Variants in TMEM74 observed in about 807,000 individuals in gnomAD.
TMEM74 encodes the protein transmembrane protein 74.
In TMEM74, 13 loss-of-function variants were observed where a neutral mutation model predicts 18.1. The observed-to-expected ratio is 0.72, with a 90% CI of 0.47 to 1.14. The LOEUF (loss-of-function observed/expected upper bound fraction) is 1.14. TMEM74 is among the 50% of genes most tolerant of loss of function. The probability of loss-of-function intolerance (pLI) is 0.00; values close to 1 mark genes in which losing one functional copy is unlikely to be tolerated. For synonymous variants in TMEM74, 159 were observed against 146.6 expected, an observed-to-expected ratio of 1.08 and a Z score of -0.61; for missense variants, 372 against 375.9, an observed-to-expected ratio of 0.99 and a Z score of 0.09.
At chr8:108,775,206 A>C (rs1435056145), downstream of TMEM74, among the ~76,000 whole-genome samples, 1 of 152,206 alleles carries the variant, frequency 6.6e-6, no homozygotes, top group South Asian at 2.1e-4. Flanking sequence ...GGGTGGGGTA[A>C]ATTCCTTGGA....
chr8:108,784,779 A>C lies in TMEM74; in HGVS notation c.320T>G (p.Leu107Ter), dbSNP rs752441679. 1 of 1,614,188 alleles carries C rather than the reference A, an allele frequency of 6.2e-7. No individual in the cohort carries two copies. Among genetic ancestry groups the C allele is most frequent in the Non-Finnish European group, 8.5e-7 (1 of 1,180,034 alleles). ...RKVCNCCSQELETSFTYVDKN... is the reference protein window; with the variant it reads ...RKVCNCCSQE ...GTCCACATAGGTAAAAGAAGTTTCT[A>C]ATTCCTGGCTGCAGCAGTTACAGAC... The change falls in exon 2 of 2, where the codon TTA becomes TGA. Residue 107 changes from leucine to a stop codon, truncating the protein, a stop_gained. Coordinates refer to ENST00000297459, the MANE Select transcript of TMEM74 (RefSeq NM_153015.3). LOFTEE classifies it high-confidence loss of function.
rs887060135 is a variant in TMEM74 at position 108,780,760 on chromosome 8, T to A, written c.*3421A>T. ...GCAACCATGGCCTCCAAGAACTTCA[T>A]GGTTCCAAGCAGTCTTGTCTTCCTG... On this transcript the variant is annotated 3_prime_UTR_variant, in exon 2 of 2. Transcript: ENST00000297459. Among the ~76,000 whole-genome samples, 2 of 152,144 alleles carry A rather than the reference T, an allele frequency of 1.3e-5. No homozygotes were observed. Among genetic ancestry groups the A allele is most frequent in the African/African-American group, 2.4e-5 (1 of 41,456 alleles).
chr8:108,716,155 C>T (rs1443056188), intron 1 of TMEM74, among the ~76,000 whole-genome samples: 2 of 152,008 alleles, frequency 1.3e-5, no homozygotes, highest in Non-Finnish European at 2.9e-5. Context: ...ATAGTAATTA[C>T]TAAGAGCAAA....
intron 1 of TMEM74, among the ~76,000 whole-genome samples, chr8:108,693,922 CAG>C (rs1813254752): frequency 6.6e-6 from 1 of 152,240 alleles, no homozygotes; most frequent in African/African-American, 2.4e-5. Flanking sequence ...TAAACTTCAG[CAG>C]AGTCTCCTCA....
chr8:108,772,554 C>A (rs1384549125), intron 1 of TMEM74, among the ~76,000 whole-genome samples: 1 of 152,058 alleles, frequency 6.6e-6, no homozygotes, highest in African/African-American at 2.4e-5. Context: ...AGTGCTACAG[C>A]CATTTAAAGA....
At chr8:108,681,325 A>G (rs920292146) in intron 1 of TMEM74, among the ~76,000 whole-genome samples, 22 of 152,270 alleles carry the variant, frequency 1.4e-4, no homozygotes, top group African/African-American at 3.4e-4. Context: ...AGAGATATAG[A>G]TCAATGGAAC....
At chr8:108,637,498 C>G (rs1812619252) in intron 2 of TMEM74, among the ~76,000 whole-genome samples, 1 of 151,960 alleles carries the variant, frequency 6.6e-6, no homozygotes, top group Non-Finnish European at 1.5e-5. Flanking sequence ...TCATAAGGAT[C>G]TTTATAAGGC....
chr8:108,709,197 C>A (rs3019342), intron 1 of TMEM74, among the ~76,000 whole-genome samples: 109,223 of 151,996 alleles, frequency 0.72, 40,456 homozygotes, highest in African/African-American at 0.91. Flanking sequence ...AAAGGAAATA[C>A]AATTATTATC....
intron 1 of TMEM74, among the ~76,000 whole-genome samples, chr8:108,721,404 C>A (rs1462197246): frequency 6.6e-6 from 1 of 152,240 alleles, no homozygotes; most frequent in African/African-American, 2.4e-5. Flanking sequence ...TTTGCTCTAG[C>A]GACACTAGTC....
intron 2 of TMEM74, chr8:108,626,558 T>G (rs1812496255): frequency 6.6e-6 from 1 of 152,116 alleles, no homozygotes; most frequent in Admixed American, 6.6e-5. Context: ...TTCATAAGAT[T>G]TCAGCAGCTG....
intron 1 of TMEM74, among the ~76,000 whole-genome samples, chr8:108,697,382 C>A (rs962191203): frequency 2.4e-4 from 36 of 152,242 alleles, no homozygotes; most frequent in African/African-American, 8.4e-4. Context: ...CAAATGGGTT[C>A]TGATATAAGC....
In TMEM74 at chr8:108,625,866, C is replaced by T. The variant is rs78039501; in HGVS notation, n.265-17040G>A. Among the ~76,000 whole-genome samples the T allele has an allele frequency of 3.0e-3, 450 of 152,032 alleles. 7 individuals carry two copies. The East Asian group carries it at 0.061, about 21-fold the overall frequency. ...AATATCAATTATGTCTTTTCTCAAA[C>T]AAATACATTCCTTAAATACAGGAAC... On this transcript the variant is annotated intron_variant and non_coding_transcript_variant, in intron 2 of 3. Transcript: ENST00000518838.
intron 1 of TMEM74, among the ~76,000 whole-genome samples, chr8:108,657,063 C>CT: frequency 6.6e-6 from 1 of 152,136 alleles, no homozygotes. Context: ...ATAATATTCA[C>CT]TTTTTGGTAT....
intron 1 of TMEM74, among the ~76,000 whole-genome samples, chr8:108,734,183 T>C (rs993235093): frequency 6.6e-6 from 1 of 152,036 alleles, no homozygotes; most frequent in Admixed American, 6.6e-5. Flanking sequence ...AAAGATGAAT[T>C]CACACTCTCT....
intron 2 of TMEM74, among the ~76,000 whole-genome samples, chr8:108,610,731 A>G (rs1458790065): frequency 1.3e-5 from 2 of 152,174 alleles, no homozygotes; most frequent in Non-Finnish European, 2.9e-5. Flanking sequence ...CCATGAAAAG[A>G]GCAGAGGACA....
chr8:108,670,034 T>TAAAAAA (rs1563745188), intron 1 of TMEM74, among the ~76,000 whole-genome samples: 1 of 113,942 alleles, frequency 8.8e-6, no homozygotes. Flanking sequence ...TAAGATTCTG[T>TAAAAAA]GAAAAAAAAA....
At chr8:108,616,269 G>A (rs1163900946) in intron 2 of TMEM74, among the ~76,000 whole-genome samples, 2 of 152,158 alleles carry the variant, frequency 1.3e-5, no homozygotes, top group East Asian at 1.9e-4. Context: ...TTCCACACAG[G>A]TACTTCCTAC....
intron 1 of TMEM74, among the ~76,000 whole-genome samples, chr8:108,759,248 G>A (rs1211034202): frequency 2.0e-5 from 3 of 152,026 alleles, no homozygotes; most frequent in African/African-American, 7.2e-5. Flanking sequence ...TAACAGTTGT[G>A]AGGGTGGATT....
intron 1 of TMEM74, among the ~76,000 whole-genome samples, chr8:108,701,820 C>G (rs1343749970): frequency 2.0e-5 from 3 of 152,122 alleles, no homozygotes; most frequent in South Asian, 2.1e-4. Flanking sequence ...GTCAAGATGT[C>G]TTTTCTCCCC....
Sources: gnomAD v4.1 joint callset for allele counts (sites outside exome capture counted in the v4.1 genomes callset) on GRCh38, gnomAD v4.1.1 for gene constraint, MANE v1.5 for transcripts, NCBI Gene and HGNC (gene_info 2026-07-23, HGNC 2026-07-21) for gene names.